The following NLRP5 variants were observed in gnomAD, a reference collection of about 807,000 sequenced individuals.
NLRP5 encodes the protein NACHT, LRR and PYD domains-containing protein 5.
A neutral mutation model predicts 113.1 loss-of-function variants in NLRP5; 93 were observed. That is an observed-to-expected ratio of 0.82 (90% CI 0.70 to 0.98). The LOEUF (loss-of-function observed/expected upper bound fraction) is 0.98, where lower values mean the gene tolerates loss of function less well. Among genes scored for constraint, NLRP5 ranks in the 50% least tolerant of loss-of-function variants. NLRP5 has a pLI of 0.00. For synonymous variants in NLRP5, 751 were observed against 600.7 expected (o/e 1.25, Z -3.66); for missense variants, 1,808 against 1,514.3 (o/e 1.19, Z -3.22).
At chr19:56,044,329 CA>C (rs1983643497) in intron 11 of NLRP5, among the ~76,000 whole-genome samples, 1 of 152,324 alleles carries the variant, frequency 6.6e-6, no homozygotes, top group South Asian at 2.1e-4. Flanking sequence ...GCTGGGATTA[CA>C]GGCGTGAGCC....
chr19:56,028,570 G>A lies in NLRP5; in HGVS notation c.2276+61G>A. 4.1e-6 allele frequency: 6 copies of A among 1,471,314 alleles called. 1 individual carries two copies. Among genetic ancestry groups the A allele is most frequent in the Non-Finnish European group, 5.5e-6 (6 of 1,082,192 alleles). The allele number at this position is 1,471,314 out of a possible 1,614,324, so 91.1% of individuals were successfully genotyped here. A position where few individuals can be genotyped will look rare whatever the true frequency, so the allele number is the denominator to read the frequency against. ...GCTGAGCTCTGTGTCTCTACTGCTG[G>A]GACTTGACATGACTTCCAGGAACTT... On this transcript the variant is annotated intron_variant, in intron 7 of 14. Coordinates refer to ENST00000390649, the MANE Select transcript of NLRP5 (RefSeq NM_153447.4).
rs369902228 is a variant in NLRP5 at position 56,008,774 on chromosome 19, T to G, written c.443-14T>G. 1.2e-5 allele frequency: 19 copies of G among 1,601,732 alleles called. No individual in the cohort carries two copies. The highest frequency in any genetic ancestry group is 5.4e-5 in the African/African-American group (4 of 74,748). ...CTTCATTGAGGCCAGTCTCCCTTTT[T>G]CTTTGTCTTCCAGGACATTCACCAG... On this transcript the variant is annotated splice_polypyrimidine_tract_variant and intron_variant, in intron 2 of 14. Transcript: ENST00000390649.
the NLRP5 span, among the ~76,000 whole-genome samples, chr19:55,989,377 C>T: frequency 0.061 from 9,294 of 152,094 alleles, 345 homozygotes; most frequent in Middle Eastern, 0.085. Context: ...CTCAGCCTCC[C>T]GAGTAGCTGG....
intron 9 of NLRP5, among the ~76,000 whole-genome samples, chr19:56,036,139 T>C (rs1006042793): frequency 2.8e-5 from 4 of 144,382 alleles, no homozygotes; most frequent in African/African-American, 5.2e-5. Flanking sequence ...TCTCGGCTCA[T>C]TGCAAGCCCC....
chr19:56,003,932 A>G lies in NLRP5; in HGVS notation c.279A>G (p.Thr93=), dbSNP rs1981753277. ...AGAAGAAATCTTCAGAATCGACCAC[A>G]TGCTCTATTCCACAGTTTGAAATCG... is the stretch of plus-strand genomic sequence containing the variant. Residue 93 remains threonine (T), a synonymous_variant, in exon 2 of 15, where the codon ACA becomes ACG. Coordinates refer to ENST00000390649, the MANE Select transcript of NLRP5 (RefSeq NM_153447.4). 2 of 1,614,044 alleles carry G rather than the reference A, an allele frequency of 1.2e-6. No homozygotes were observed. The highest frequency in any genetic ancestry group is 1.7e-6 in the Non-Finnish European group (2 of 1,179,888).
chr19:56,037,661 C>A (rs990271492), intron 9 of NLRP5, among the ~76,000 whole-genome samples: 1 of 145,448 alleles, frequency 6.9e-6, no homozygotes, highest in African/African-American at 2.6e-5. Context: ...CCACTGCACT[C>A]CAGCCTGGGT....
At chr19:56,024,404 A>ACT (rs1982739931) in intron 6 of NLRP5, among the ~76,000 whole-genome samples, 1 of 126,170 alleles carries the variant, frequency 7.9e-6, no homozygotes, top group East Asian at 2.0e-4. Flanking sequence ...ACATATATGT[A>ACT]CATATATGTA....
intron 13 of NLRP5, 81 bp from the exon 14 acceptor site, chr19:56,058,159 T>G (rs745344604): frequency 3.5e-5 from 37 of 1,056,450 alleles, no homozygotes; most frequent in Non-Finnish European, 4.8e-5. Flanking sequence ...AGAAAAAGTA[T>G]CAAGGTGAAA....
intron 6 of NLRP5, among the ~76,000 whole-genome samples, chr19:56,025,987 G>A (rs1982828860): frequency 6.6e-6 from 1 of 152,148 alleles, no homozygotes; most frequent in African/African-American, 2.4e-5. Context: ...TCTACGGGGG[G>A]AGACCATCAG....
chr19:55,994,966 T>G (rs925101629), upstream of NLRP5, among the ~76,000 whole-genome samples: 5 of 152,174 alleles, frequency 3.3e-5, no homozygotes, highest in Non-Finnish European at 5.9e-5. Context: ...CATATGGTTA[T>G]CCCGTTTTCG....
rs1485308303 is a variant in NLRP5, at chr19:56,057,744, G to C, written c.3300-496G>C. Among the ~76,000 whole-genome samples the C allele has an allele frequency of 2.0e-5, 3 of 152,072 alleles. No homozygotes were observed. The East Asian group carries it at 5.8e-4, about 29-fold the overall frequency. On this transcript the variant is annotated intron_variant, in intron 13 of 14. Transcript: ENST00000390649. Reference sequence around the variant, plus strand: ...GAACTCGTTAGAAATGCAAATATTTGGCCGGGTGCAGTGGCTCATGCCTGT... The same window carrying C: ...GAACTCGTTAGAAATGCAAATATTTCGCCGGGTGCAGTGGCTCATGCCTGT...
chr19:56,024,772 T>C (rs1006994943), intron 6 of NLRP5, among the ~76,000 whole-genome samples: 8 of 151,406 alleles, frequency 5.3e-5, no homozygotes, highest in Admixed American at 3.3e-4. Flanking sequence ...AAAAAAAATC[T>C]TCATCAGGTG....
chr19:56,043,114 G>T (rs570817328), intron 11 of NLRP5, among the ~76,000 whole-genome samples: 14 of 152,140 alleles, frequency 9.2e-5, no homozygotes, highest in Non-Finnish European at 2.1e-4. Flanking sequence ...TTCTCTGGGT[G>T]GATGCCCAGT....
intron 3 of NLRP5, among the ~76,000 whole-genome samples, chr19:56,014,586 C>T (rs934699902): frequency 4.0e-5 from 6 of 151,718 alleles, no homozygotes. Flanking sequence ...GGTCTTTAAA[C>T]ATTTTGAGTT....
the NLRP5 span, among the ~76,000 whole-genome samples, chr19:55,992,849 T>G: frequency 1.5e-5 from 1 of 64,928 alleles, no homozygotes; most frequent in African/African-American, 9.1e-5. Flanking sequence ...TACATATTTA[T>G]GGAGACTTTT....
At chr19:56,031,290 C>T (rs938768484) in intron 7 of NLRP5, among the ~76,000 whole-genome samples, 49 of 152,114 alleles carry the variant, frequency 3.2e-4, no homozygotes, top group African/African-American at 1.1e-3. Flanking sequence ...CCCAGGCCCC[C>T]GGCAGCCTCC....
intron 13 of NLRP5, among the ~76,000 whole-genome samples, chr19:56,054,992 CTTTTTTTT>C (rs869165472): frequency 6.4e-5 from 4 of 62,372 alleles, no homozygotes; most frequent in African/African-American, 7.0e-5. Flanking sequence ...CACCCCTCCC[CTTTTTTTT>C]TTTTTTTTTT....
chr19:56,023,278 G>A (rs1022710126), intron 6 of NLRP5, among the ~76,000 whole-genome samples: 2 of 152,172 alleles, frequency 1.3e-5, no homozygotes, highest in Non-Finnish European at 2.9e-5. Flanking sequence ...ACATTCCAGT[G>A]GCACTGCCAG....
intron 11 of NLRP5, among the ~76,000 whole-genome samples, chr19:56,048,497 T>C (rs1248724777): frequency 9.3e-5 from 14 of 150,074 alleles, no homozygotes; most frequent in Admixed American, 6.7e-4. Flanking sequence ...TTTTGCTGGA[T>C]ACAAAATTCT....
Sources: gnomAD v4.1 joint callset for allele counts (sites outside exome capture counted in the v4.1 genomes callset) on GRCh38, gnomAD v4.1.1 for gene constraint, MANE v1.5 for transcripts, NCBI Gene and HGNC (gene_info 2026-07-23, HGNC 2026-07-21) for gene names.